The following JAKMIP2 variants were observed in gnomAD, a reference collection of about 807,000 sequenced individuals.
JAKMIP2 encodes the protein janus kinase and microtubule-interacting protein 2.
A neutral mutation model predicts 115.0 loss-of-function variants in JAKMIP2; 25 were observed. That is an observed-to-expected ratio of 0.22 (90% CI 0.16 to 0.30). The LOEUF is 0.30. Among genes scored for constraint, JAKMIP2 ranks in the 10% least tolerant of loss-of-function variants. The pLI, the probability that JAKMIP2 is intolerant of heterozygous loss-of-function variation, is 1.00. For synonymous variants in JAKMIP2, 334 were observed against 343.6 expected (o/e 0.97, Z 0.31); for missense variants, 642 against 957.6 (o/e 0.67, Z 4.35).
chr5:147,591,649 C>T lies in JAKMIP2; in HGVS notation c.*58G>A, dbSNP rs199786845. On this transcript the variant is annotated 3_prime_UTR_variant, in exon 22 of 22. Transcript: ENST00000616793. The stretch of plus-strand genomic sequence containing the variant: ...TGCCATCTTTGAAGGTTTAGAAGCA[C>T]TTGTCTTCCTGGGATCTTATCCATG... 2,023 of 1,593,320 alleles carry T rather than the reference C, an allele frequency of 1.3e-3. 51 individuals carry two copies. In the South Asian group the frequency reaches 0.022, roughly 17 times the overall value.
chr5:147,607,882 T>C (rs1018210152), intron 20 of JAKMIP2, among the ~76,000 whole-genome samples: 3 of 152,188 alleles, frequency 2.0e-5, no homozygotes, highest in Non-Finnish European at 1.5e-5. Flanking sequence ...GGGATTTGAC[T>C]TCTTCTTGGT....
At position 147,590,158 on chromosome 5, in the gene JAKMIP2, G is replaced by C. The variant is rs886988586; in HGVS notation, c.*1549C>G. On this transcript the variant is annotated 3_prime_UTR_variant, in exon 22 of 22. Transcript: ENST00000616793. Reference sequence around the variant, plus strand: ...CTTTGCAAATGCCAGTGCTAAAACTGAAGGATGATAGTGAACCCACATATG... The same window carrying C: ...CTTTGCAAATGCCAGTGCTAAAACTCAAGGATGATAGTGAACCCACATATG... 12 of 152,164 alleles carry C rather than the reference G, an allele frequency of 7.9e-5. No homozygotes were observed. Among genetic ancestry groups the C allele is most frequent in the African/African-American group, 2.4e-4 (10 of 41,446 alleles). The allele number at this position is 152,164 out of a possible 1,614,324, so 9.4% of individuals were successfully genotyped here.
intron 16 of JAKMIP2, among the ~76,000 whole-genome samples, chr5:147,627,621 A>T (rs1454660344): frequency 7.9e-6 from 1 of 126,608 alleles, no homozygotes; most frequent in Admixed American, 1.0e-4. Context: ...TCCAGCTTTC[A>T]TTTTATTTCA....
chr5:147,651,677 A>G (rs1489979822), intron 3 of JAKMIP2, among the ~76,000 whole-genome samples: 1 of 152,156 alleles, frequency 6.6e-6, no homozygotes, highest in Non-Finnish European at 1.5e-5. Context: ...TATTTTCCAC[A>G]TATAAATATC....
intron 1 of JAKMIP2, among the ~76,000 whole-genome samples, chr5:147,689,466 T>G (rs1760730655): frequency 1.3e-5 from 2 of 152,054 alleles, no homozygotes; most frequent in Non-Finnish European, 2.9e-5. Flanking sequence ...AAATCCAGCT[T>G]GGAGATGGTA....
At position 147,588,477 on chromosome 5, in the gene JAKMIP2, A is replaced by G. The variant is rs752808032; in HGVS notation, c.*3230T>C. 6.7e-6 allele frequency: 1 copy of G among 149,990 alleles called. No individual in the cohort carries two copies. The highest frequency in any genetic ancestry group is 1.5e-5 in the Non-Finnish European group (1 of 67,744). 9.3% of individuals were successfully genotyped at this position (149,990 alleles called of 1,614,324 possible). A position where few individuals can be genotyped will look rare whatever the true frequency, so the allele number is the denominator to read the frequency against. Reference sequence around the variant, plus strand: ...GGAAGCATTCATTTAAACACGGTCCATTTCCATGGATCCATGAGTGACTGG... The same window carrying G: ...GGAAGCATTCATTTAAACACGGTCCGTTTCCATGGATCCATGAGTGACTGG... On this transcript the variant is annotated 3_prime_UTR_variant, in exon 22 of 22. Coordinates refer to ENST00000616793, the MANE Select transcript of JAKMIP2 (RefSeq NM_001270941.2).
chr5:147,683,472 A>G (rs2126839196), intron 1 of JAKMIP2, among the ~76,000 whole-genome samples: 1 of 152,308 alleles, frequency 6.6e-6, no homozygotes, highest in East Asian at 1.9e-4. Flanking sequence ...AGCCTGGGAA[A>G]CAGAGCAAGA....
chr5:147,641,441 C>T (rs1757875350), intron 8 of JAKMIP2, among the ~76,000 whole-genome samples: 1 of 152,124 alleles, frequency 6.6e-6, no homozygotes, highest in African/African-American at 2.4e-5. Flanking sequence ...TCAGGTAATC[C>T]TTTCTACATC....
intron 7 of JAKMIP2, among the ~76,000 whole-genome samples, chr5:147,642,029 T>C (rs1359576013): frequency 6.6e-6 from 1 of 152,204 alleles, no homozygotes; most frequent in Non-Finnish European, 1.5e-5. Context: ...TCCTGTTTTA[T>C]ACTTGAACAT....
chr5:147,707,206 A>G (rs1370580312), intron 1 of JAKMIP2, among the ~76,000 whole-genome samples: 1 of 152,160 alleles, frequency 6.6e-6, no homozygotes, highest in Non-Finnish European at 1.5e-5. Context: ...TAGATGTGCA[A>G]CCAGTATTAA....
chr5:147,605,028 G>A (rs541134758), intron 20 of JAKMIP2, among the ~76,000 whole-genome samples: 47 of 150,828 alleles, frequency 3.1e-4, no homozygotes, highest in Non-Finnish European at 4.0e-4. Flanking sequence ...ACCTGTGCCC[G>A]TATGTTCTCA....
At chr5:147,686,126 A>G (rs1015575816) in intron 1 of JAKMIP2, among the ~76,000 whole-genome samples, 4 of 152,208 alleles carry the variant, frequency 2.6e-5, no homozygotes, top group Non-Finnish European at 4.4e-5. Context: ...TTTGGGCTCT[A>G]AAGTGCCTCT....
intron 1 of JAKMIP2, among the ~76,000 whole-genome samples, chr5:147,721,178 G>C (rs1030972811): frequency 3.3e-4 from 50 of 151,640 alleles, no homozygotes; most frequent in East Asian, 2.1e-3. Context: ...AGGAGTCAGG[G>C]ACCCACTTGA....
chr5:147,692,475 G>T (rs781263248), intron 1 of JAKMIP2, among the ~76,000 whole-genome samples: 13 of 152,098 alleles, frequency 8.5e-5, no homozygotes, highest in Non-Finnish European at 1.3e-4. Flanking sequence ...ATCAGGCCAG[G>T]TTCTTCTAGT....
intron 1 of JAKMIP2, among the ~76,000 whole-genome samples, chr5:147,749,669 A>C (rs1461929082): frequency 6.6e-6 from 1 of 152,220 alleles, no homozygotes; most frequent in African/African-American, 2.4e-5. Context: ...GATGCCTAAT[A>C]AATGTTGGAC....
chr5:147,721,605 C>G (rs1298693724), intron 1 of JAKMIP2, among the ~76,000 whole-genome samples: 2 of 152,218 alleles, frequency 1.3e-5, no homozygotes, highest in South Asian at 4.2e-4. Context: ...GGGAGTGACC[C>G]GATTTTCCAG....
At chr5:147,666,799 C>G (rs543116596) in intron 2 of JAKMIP2, among the ~76,000 whole-genome samples, 2 of 152,224 alleles carry the variant, frequency 1.3e-5, no homozygotes, top group South Asian at 4.1e-4. Context: ...CGATATCATT[C>G]TCTTACGGCT....
intron 1 of JAKMIP2, among the ~76,000 whole-genome samples, chr5:147,688,172 C>T (rs947998149): frequency 2.6e-5 from 4 of 152,188 alleles, no homozygotes; most frequent in Admixed American, 6.5e-5. Context: ...CCACTAAACA[C>T]ATTTGCTGTC....
intron 14 of JAKMIP2, among the ~76,000 whole-genome samples, chr5:147,630,242 AT>A (rs1183134318): frequency 6.6e-6 from 1 of 152,108 alleles, no homozygotes; most frequent in Non-Finnish European, 1.5e-5. Flanking sequence ...GTGCAGTACC[AT>A]TTTTTTAAAG....
Sources: allele counts gnomAD v4.1 joint callset (sites outside exome capture counted in the v4.1 genomes callset), GRCh38; gene constraint gnomAD v4.1.1; transcripts MANE v1.5; gene names NCBI Gene and HGNC (gene_info 2026-07-23, HGNC 2026-07-21).